Variants in LYST observed in about 807,000 individuals in gnomAD.
The protein encoded by LYST is lysosomal trafficking regulator.
In LYST, 192 loss-of-function variants were observed where a neutral mutation model predicts 413.6. The ratio of observed to expected loss-of-function variants is 0.46; its 90% confidence interval spans 0.41 to 0.52. LYST has a LOEUF of 0.52. Among genes scored for constraint, LYST ranks in the 20% least tolerant of loss-of-function variants. The pLI is 0.00. For missense variants in LYST, 3,815 were observed against 4,499.9 expected (o/e 0.85, Z 4.35); for synonymous variants, 1,525 against 1,567.3 (o/e 0.97, Z 0.64).
intron 50 of LYST, among the ~76,000 whole-genome samples, chr1:235,670,138 CTT>C (rs1184463018): frequency 2.6e-5 from 4 of 152,164 alleles, no homozygotes; most frequent in Non-Finnish European, 5.9e-5. Context: ...TGTAAACTAC[CTT>C]TCCCACCTTA....
rs151236654 is a variant in LYST, at chr1:235,830,347, A to G, written c.71T>C (p.Val24Ala). ...TTCCTCCCTGGCCTCCACCCTCTGG[A>G]CCACTGCATTGCAAAGCCGGTTGAC... ...TDVNRLCNAV[V>A]QRVEAREEEE... Residue 24 changes from valine to alanine, a missense_variant, in exon 3 of 53, where the codon GTC (valine) becomes GCC (alanine). Around this residue, in one of 4 missense-constraint regions of LYST, gnomAD observed 1,648 missense variants for 1,810.3 expected, o/e 0.91. Coordinates refer to ENST00000389793, the MANE Select transcript of LYST (RefSeq NM_000081.4). 90 of 1,613,740 alleles carry G rather than the reference A, an allele frequency of 5.6e-5. No homozygotes were observed. The highest frequency in any genetic ancestry group is 6.4e-5 in the Non-Finnish European group (76 of 1,179,914).
chr1:235,781,021 C>G lies in LYST; in HGVS notation c.5058G>C (p.Leu1686=). 1 of 1,612,202 alleles carries G rather than the reference C, an allele frequency of 6.2e-7. No individual in the cohort carries two copies. Residue 1686 remains leucine (L), a synonymous_variant, in exon 16 of 53, where the codon CTG becomes CTC. Transcript: ENST00000389793. ...ATGTATGGTTGGGTCCACAAGCATA[C>G]AGATAAAAGGCCTCTTGTGAACCAA... ...AKVGSQEAFY[L]YACGPNHTSV...
At chr1:235,769,336 T>C (rs1412850024) in intron 20 of LYST, among the ~76,000 whole-genome samples, 5 of 152,034 alleles carry the variant, frequency 3.3e-5, no homozygotes, top group South Asian at 4.1e-4. Flanking sequence ...CTGAGTACCA[T>C]AAGATGAAGC....
chr1:235,704,233 T>C (rs1161693543), intron 44 of LYST, among the ~76,000 whole-genome samples: 2 of 152,218 alleles, frequency 1.3e-5, no homozygotes, highest in Non-Finnish European at 2.9e-5. Context: ...ACATGTGTCT[T>C]TACGGTAGAA....
intron 47 of LYST, among the ~76,000 whole-genome samples, chr1:235,691,938 T>TC (rs1158604478): frequency 1.0e-4 from 15 of 150,548 alleles, no homozygotes; most frequent in African/African-American, 3.7e-4. Flanking sequence ...CCTCAGGTGA[T>TC]CCCCGCACCT....
chr1:235,809,958 G>C lies in LYST; in HGVS notation c.860C>G (p.Pro287Arg). Residue 287 changes from proline (P) to arginine (R), a missense_variant, in exon 5 of 53, where the codon CCC becomes CGC. By Grantham distance (103) the Pro-to-Arg change is moderately radical. Transcript: ENST00000389793. This position sits in a 1 kb window ranked among gnomAD's most constrained non-coding sequence, Gnocchi z 4.0. ...GCCTGCTAGGAATTCAGTTAGTGTG[G>C]GCACTACACTGGCTGCTAAAGGAGA... The part of the protein sequence containing the change: ...HNSPLAASVV[P>R]TLTEFLAGFG... 6.2e-7 allele frequency: 1 copy of C among 1,613,814 alleles called. No individual in the cohort carries two copies. The highest frequency in any genetic ancestry group is 1.1e-5 in the South Asian group (1 of 91,080).
chr1:235,830,967 A>T (rs1675907433), intron 2 of LYST, among the ~76,000 whole-genome samples: 2 of 152,152 alleles, frequency 1.3e-5, no homozygotes, highest in Admixed American at 6.5e-5. Context: ...TTTAAATCAA[A>T]TAAAGGGTAA....
At chr1:235,879,632 C>T (rs936836070) in intron 1 of LYST, among the ~76,000 whole-genome samples, 2 of 152,258 alleles carry the variant, frequency 1.3e-5, no homozygotes, top group South Asian at 4.1e-4. Context: ...TTATTACATA[C>T]TAACTCCCTT....
rs570472401 is a variant in LYST at position 235,766,297 on chromosome 1, T to G, written c.5923-20A>C. 1.9e-6 allele frequency: 3 copies of G among 1,549,184 alleles called. No individual in the cohort carries two copies. The East Asian group carries it at 6.7e-5, about 35-fold the overall frequency. ...GTATTCCTGAAAAAATAAAAAAAACTCTCTTTAGATTTAAAGAATTGTCAA... is the reference window on the plus strand; with the variant it reads ...GTATTCCTGAAAAAATAAAAAAAACGCTCTTTAGATTTAAAGAATTGTCAA... On this transcript the variant is annotated intron_variant, in intron 20 of 52. Coordinates refer to ENST00000389793, the MANE Select transcript of LYST (RefSeq NM_000081.4).
At position 235,808,929 on chromosome 1, in the gene LYST, G is replaced by T. The variant is rs1553306735; in HGVS notation, c.1889C>A (p.Pro630Gln). The T allele has an allele frequency of 6.2e-7, 1 of 1,611,724 alleles. No homozygotes were observed. Among genetic ancestry groups the T allele is most frequent in the South Asian group, 1.1e-5 (1 of 90,806 alleles). The change falls in exon 5 of 53, where the codon CCA becomes CAA. Residue 630 changes from proline to glutamine, a missense_variant. By Grantham distance (76) the Pro-to-Gln change is moderately conservative. Transcript: ENST00000389793. ...ATTACAAGCTGCTTTTTTAATTTTT[G>T]GTGATATCTCTGCTCCTCCTAACTG... ...LDQLGGAEIS[P>Q]KIKKAACNIC...
intron 10 of LYST, 129 bp downstream of exon 10, chr1:235,800,191 C>T: frequency 3.0e-6 from 2 of 656,942 alleles, no homozygotes; most frequent in Non-Finnish European, 5.6e-6. Context: ...AAGTGATCCG[C>T]CTGCCACCTC....
chr1:235,670,042 C>G (rs1202885135), intron 50 of LYST, among the ~76,000 whole-genome samples: 1 of 152,190 alleles, frequency 6.6e-6, no homozygotes, highest in Admixed American at 6.5e-5. Flanking sequence ...CTCCCTTGGT[C>G]TTTCTTGCTC....
intron 31 of LYST, among the ~76,000 whole-genome samples, chr1:235,740,820 C>A (rs193104300): frequency 6.6e-6 from 1 of 152,216 alleles, no homozygotes; most frequent in African/African-American, 2.4e-5. Context: ...AGGTAAATAT[C>A]TAAAAATGGA....
intron 34 of LYST, 121 bp from the exon 35 acceptor site, chr1:235,731,298 A>C: frequency 1.2e-6 from 1 of 855,936 alleles, no homozygotes; most frequent in Non-Finnish European, 2.0e-6. Context: ...AAAAACTCCA[A>C]ATGTTTATAT....
chr1:235,827,133 GCGGGCAGAT>G (rs1387668171), intron 3 of LYST, among the ~76,000 whole-genome samples: 1 of 152,088 alleles, frequency 6.6e-6, no homozygotes, highest in African/African-American at 2.4e-5. Context: ...GGAGGCCATG[GCGGGCAGAT>G]CACTTGGGGC....
chr1:235,816,233 CGATT>C (rs763251823), intron 3 of LYST, among the ~76,000 whole-genome samples: 110 of 147,018 alleles, frequency 7.5e-4, no homozygotes, highest in Non-Finnish European at 1.4e-3. Flanking sequence ...CAAGGTCAGG[CGATT>C]GAGACCATCC....
chr1:235,827,003 T>C (rs568024499), intron 3 of LYST, among the ~76,000 whole-genome samples: 1 of 152,240 alleles, frequency 6.6e-6, no homozygotes, highest in South Asian at 2.1e-4. Flanking sequence ...TGCATACACA[T>C]TATCTGTGCA....
rs1254629188 is a variant in LYST at position 235,738,498 on chromosome 1, T to A, written c.8358+2924A>T. On this transcript the variant is annotated intron_variant, in intron 31 of 52. Coordinates refer to ENST00000389793, the MANE Select transcript of LYST (RefSeq NM_000081.4). ...TATTGGAAGTGGTTGCAATCTGGAC[T>A]CAGCCCAATTCCGTTACCCAATGGG... The A allele has an allele frequency of 6.8e-6, 11 of 1,612,230 alleles. No homozygotes were observed. The Admixed American group carries it at 1.0e-4, about 15-fold the overall frequency.
At chr1:235,737,911 C>T (rs758613028) in intron 31 of LYST, 22 of 1,156,132 alleles carry the variant, frequency 1.9e-5, no homozygotes, top group Middle Eastern at 3.6e-4. Flanking sequence ...GAGCCGCTGC[C>T]GACGAGTCTG....
Sources: gnomAD v4.1 joint callset for allele counts (sites outside exome capture counted in the v4.1 genomes callset) on GRCh38, gnomAD v4.1.1 for gene constraint, gnomAD v4.1.1 regional missense constraint, Gnocchi (gnomAD v3.1) non-coding constraint, MANE v1.5 for transcripts, NCBI Gene and HGNC (gene_info 2026-07-23, HGNC 2026-07-21) for gene names.